Variants in IQSEC1 observed in about 807,000 individuals in gnomAD.
The protein encoded by IQSEC1 is IQ motif and SEC7 domain-containing protein 1.
Under a neutral mutation model 91.0 loss-of-function variants are expected in IQSEC1, and 31 were observed. That is an observed-to-expected ratio of 0.34 (90% CI 0.26 to 0.46). IQSEC1 has a LOEUF of 0.46. Ranked by LOEUF, IQSEC1 falls within the 20% of genes least tolerant of loss-of-function variation. IQSEC1 has a pLI of 1.00. For synonymous variants in IQSEC1, 699 were observed against 662.6 expected (o/e 1.05, Z -0.84); for missense variants, 1,388 against 1,575.6 (o/e 0.88, Z 2.02).
intron 2 of IQSEC1, among the ~76,000 whole-genome samples, chr3:13,124,345 G>A (rs968918873): frequency 6.6e-6 from 1 of 152,074 alleles, no homozygotes; most frequent in African/African-American, 2.4e-5. Flanking sequence ...TAGAGAATTC[G>A]AGGACTCTAG....
chr3:12,969,769 G>A (rs73813749), intron 1 of IQSEC1, among the ~76,000 whole-genome samples: 14 of 152,234 alleles, frequency 9.2e-5, no homozygotes, highest in Admixed American at 8.5e-4. Context: ...TGGTCTTGGC[G>A]ACATTGTCTC....
At position 12,899,855 on chromosome 3, in the gene IQSEC1, A is replaced by G; in HGVS notation, c.*1128T>C. On this transcript the variant is annotated 3_prime_UTR_variant, in exon 14 of 14. Transcript: ENST00000613206. ...ATGAGGACGTTATGGTGTTGGGGAG[A>G]CGAGGATGAGAGCTGGTCACTTTCA... is the stretch of plus-strand genomic sequence containing the variant. 1.0e-6 allele frequency: 1 copy of G among 985,050 alleles called. No homozygotes were observed. The highest frequency in any genetic ancestry group is 1.2e-6 in the Non-Finnish European group (1 of 829,852). 61.0% of individuals were successfully genotyped at this position (985,050 alleles called of 1,614,324 possible). A position where few individuals can be genotyped will look rare whatever the true frequency, so the allele number is the denominator to read the frequency against.
chr3:13,271,126 C>A (rs1312736331), intron 1 of IQSEC1, among the ~76,000 whole-genome samples: 1 of 152,110 alleles, frequency 6.6e-6, no homozygotes, highest in African/African-American at 2.4e-5. Flanking sequence ...GCCTGTAATC[C>A]CAGCACTTTG....
At chr3:12,931,479 T>C (rs116493367) in intron 3 of IQSEC1, among the ~76,000 whole-genome samples, 2 of 152,130 alleles carry the variant, frequency 1.3e-5, no homozygotes, top group African/African-American at 4.8e-5. Flanking sequence ...AGTGAGACAA[T>C]AGGCGGAAGG....
chr3:12,902,850 T>C, intron 12 of IQSEC1, 28 bp from the exon 13 acceptor site: 1 of 1,589,748 alleles, frequency 6.3e-7, no homozygotes, highest in Non-Finnish European at 8.6e-7. Context: ...TACCAGAAGT[T>C]AGACGCGGAC....
intron 1 of IQSEC1, among the ~76,000 whole-genome samples, chr3:13,062,177 T>G (rs576219412): frequency 2.6e-5 from 4 of 152,220 alleles, no homozygotes; most frequent in Admixed American, 1.3e-4. Flanking sequence ...AGGCTCCTGA[T>G]GGATACACCA....
intron 2 of IQSEC1, among the ~76,000 whole-genome samples, chr3:13,116,174 C>T (rs1259710698): frequency 6.6e-6 from 1 of 152,238 alleles, no homozygotes; most frequent in Non-Finnish European, 1.5e-5. Flanking sequence ...CACTCCAGTG[C>T]TGACTAGGTG....
rs965689273 is a variant in IQSEC1, at chr3:12,973,947, C to T, written c.24-32082G>A. On this transcript the variant is annotated intron_variant, in intron 1 of 13. Transcript: ENST00000613206. ...TGCACTGCTAAAACCTAAGACCCGT[C>T]GTGGTTTGAGGTGTCAGGAGGCTCT... Among the ~76,000 whole-genome samples, 15 of 152,108 alleles carry T rather than the reference C, an allele frequency of 9.9e-5. 1 individual carries two copies. The South Asian group carries it at 1.0e-3, about 11-fold the overall frequency.
chr3:13,038,017 A>G (rs964979949), intron 1 of IQSEC1, among the ~76,000 whole-genome samples: 8 of 152,114 alleles, frequency 5.3e-5, no homozygotes, highest in African/African-American at 1.7e-4. Flanking sequence ...TGTGTATTTT[A>G]CCACAAGTAA....
rs532932663 is a variant in IQSEC1 at position 13,190,623 on chromosome 3, G to A, written c.273-26490C>T. Among the ~76,000 whole-genome samples, 8 of 151,824 alleles carry A rather than the reference G, an allele frequency of 5.3e-5. No individual in the cohort carries two copies. In the South Asian group the frequency reaches 1.7e-3, roughly 32 times the overall value. ...ACACAAACTACTCTTCCTCCTACCA[G>A]CCATGGCAGTGTCTACGAAGGATGG... On this transcript the variant is annotated intron_variant, in intron 1 of 15. Transcript: ENST00000648114.
chr3:13,180,484 G>A (rs1693820157), intron 1 of IQSEC1, among the ~76,000 whole-genome samples: 1 of 152,138 alleles, frequency 6.6e-6, no homozygotes, highest in Admixed American at 6.5e-5. Flanking sequence ...TCGGCTCTCT[G>A]TAAAACAGAC....
chr3:13,256,833 C>A (rs1003218836), intron 1 of IQSEC1, among the ~76,000 whole-genome samples: 2 of 152,062 alleles, frequency 1.3e-5, no homozygotes, highest in Non-Finnish European at 2.9e-5. Flanking sequence ...TGGAGGAGAG[C>A]AGAGGGAGAG....
At chr3:13,034,959 G>C (rs1399630753) in intron 1 of IQSEC1, among the ~76,000 whole-genome samples, 1 of 152,252 alleles carries the variant, frequency 6.6e-6, no homozygotes, top group African/African-American at 2.4e-5. Flanking sequence ...TGGTGGGGTG[G>C]GAATTCAGAA....
chr3:13,226,708 T>C (rs189953963), intron 1 of IQSEC1, among the ~76,000 whole-genome samples: 7 of 152,326 alleles, frequency 4.6e-5, no homozygotes, highest in African/African-American at 1.7e-4. Flanking sequence ...CAGATCTTCA[T>C]GGAAAAGTCA....
At position 13,250,276 on chromosome 3, in the gene IQSEC1, C is replaced by T. The variant is rs76618898; in HGVS notation, c.272+32435G>A. ...AGACAGCGAGATAGCTGAGGCTCAG[C>T]GGCACACACAGGAAGCATCGACCCT... is the stretch of plus-strand genomic sequence containing the variant. On this transcript the variant is annotated intron_variant, in intron 1 of 15. Coordinates refer to the IQSEC1 transcript ENST00000648114. 8.6e-3 allele frequency among the ~76,000 whole-genome samples: 1,302 copies of T among 152,260 alleles called. 18 individuals are homozygous for T. Among genetic ancestry groups the T allele is most frequent in the African/African-American group, 0.03 (1,232 of 41,550 alleles).
chr3:12,904,115 C>T (rs1167325745), intron 12 of IQSEC1, among the ~76,000 whole-genome samples: 5 of 152,250 alleles, frequency 3.3e-5, no homozygotes, highest in African/African-American at 4.8e-5. Context: ...AGCCCAAGGC[C>T]ACCAGCCAGT....
rs1224749241 is a variant in IQSEC1 at position 12,909,022 on chromosome 3, T to G, written c.2578+251A>C. 1.3e-5 allele frequency among the ~76,000 whole-genome samples: 2 copies of G among 152,116 alleles called. No individual in the cohort carries two copies. The highest frequency in any genetic ancestry group is 4.8e-5 in the African/African-American group (2 of 41,410). Reference sequence around the variant, plus strand: ...ACTCTGCGGGCTCTTGCGCACGGGATGACCAGAGAGCCAGGGTCTTTTGAT... The same window carrying G: ...ACTCTGCGGGCTCTTGCGCACGGGAGGACCAGAGAGCCAGGGTCTTTTGAT... On this transcript the variant is annotated intron_variant, in intron 11 of 13. Coordinates refer to ENST00000613206, the MANE Select transcript of IQSEC1 (RefSeq NM_001134382.3). The surrounding 1 kb of genome is among the most constrained non-coding windows in gnomAD (Gnocchi z 4.9).
chr3:13,243,141 C>T (rs1038657300), intron 1 of IQSEC1, among the ~76,000 whole-genome samples: 15 of 152,272 alleles, frequency 9.9e-5, no homozygotes, highest in African/African-American at 3.6e-4. Flanking sequence ...CACAGAGATG[C>T]TCACAAATGT....
intron 1 of IQSEC1, among the ~76,000 whole-genome samples, chr3:13,212,302 C>T (rs1694461216): frequency 6.6e-6 from 1 of 152,210 alleles, no homozygotes; most frequent in East Asian, 1.9e-4. Context: ...TTGTGAATGG[C>T]TTCTTGCACC....
Sources: gnomAD v4.1 joint callset for allele counts (sites outside exome capture counted in the v4.1 genomes callset) on GRCh38, gnomAD v4.1.1 for gene constraint, Gnocchi (gnomAD v3.1) non-coding constraint, MANE v1.5 for transcripts, NCBI Gene and HGNC (gene_info 2026-07-23, HGNC 2026-07-21) for gene names.